Variants in CDC73 observed in about 807,000 individuals in gnomAD.
CDC73 encodes the protein cell division cycle 73, also known as parafibromin.
CDC73 carries 21 observed loss-of-function variants against 83.7 expected under a neutral mutation model. The ratio of observed to expected loss-of-function variants is 0.25; its 90% CI spans 0.18 to 0.36. CDC73 has a LOEUF of 0.36. Among genes scored for constraint, CDC73 ranks in the 10% least tolerant of loss-of-function variants. The pLI is 1.00. For synonymous variants in CDC73, 224 were observed against 212.9 expected (o/e 1.05, Z -0.45); for missense variants, 342 against 653.3 (o/e 0.52, Z 5.19).
intron 10 of CDC73, among the ~76,000 whole-genome samples, chr1:193,162,310 T>TGA (rs1558293668): frequency 1.4e-3 from 168 of 121,508 alleles, no homozygotes; most frequent in South Asian, 4.8e-3. Context: ...ATACTATATA[T>TGA]TATATATCAT....
chr1:193,185,501 G>T (rs1293021261), intron 10 of CDC73, among the ~76,000 whole-genome samples: 1 of 151,868 alleles, frequency 6.6e-6, no homozygotes, highest in East Asian at 1.9e-4. Context: ...TTAGGGAGAT[G>T]TTGGGGAAGA....
At chr1:193,152,315 T>C (rs1479348317) in intron 9 of CDC73, 65 bp from the exon 10 acceptor site, 2 of 995,942 alleles carry the variant, frequency 2.0e-6, no homozygotes, top group African/African-American at 3.2e-5. Flanking sequence ...TTACTTTAGA[T>C]TTGTTATAGG....
At chr1:193,140,100 G>A (rs765708389) in intron 6 of CDC73, among the ~76,000 whole-genome samples, 6 of 152,100 alleles carry the variant, frequency 3.9e-5, no homozygotes, top group South Asian at 2.1e-4. Context: ...CAGAGAATCC[G>A]CTCAGCTCTA....
At chr1:193,178,666 T>A (rs1227964875) in intron 10 of CDC73, among the ~76,000 whole-genome samples, 4 of 152,206 alleles carry the variant, frequency 2.6e-5, no homozygotes, top group Non-Finnish European at 5.9e-5. Flanking sequence ...TGTAGTCATA[T>A]AGAATAAATT....
In CDC73 at chr1:193,122,059, A is replaced by G. The variant is rs1430420815; in HGVS notation, c.-142A>G. 1.7e-5 allele frequency: 13 copies of G among 755,044 alleles called. No homozygotes were observed. The highest frequency in any genetic ancestry group is 3.3e-4 in the Middle Eastern group (1 of 3,022). The allele number at this position is 755,044 out of a possible 1,614,324, so 46.8% of individuals were successfully genotyped here. On this transcript the variant is annotated 5_prime_UTR_variant, in exon 1 of 17. Transcript: ENST00000367435. The stretch of plus-strand genomic sequence containing the variant: ...ACTGCCCCTGCTGCTGTCGTAGGCG[A>G]GGACGGCTGTTAGTGCTGCTGCTGT...
At position 193,181,472 on chromosome 1, in the gene CDC73, G is replaced by A. The variant is rs764176607; in HGVS notation, c.973-22323G>A. 3.1e-6 allele frequency: 5 copies of A among 1,614,030 alleles called. No individual in the cohort carries two copies. In the Admixed American group the frequency reaches 8.3e-5, roughly 27 times the overall value. On this transcript the variant is annotated intron_variant, in intron 10 of 16. Transcript: ENST00000367435. ...ATAGCAAAAAGAAACACTAGAGAAA[G>A]TACTCCAATAAGATGAGTGCGGAAC...
At position 193,188,037 on chromosome 1, in the gene CDC73, T is replaced by G. The variant is rs1016864489; in HGVS notation, c.973-15758T>G. Reference sequence around the variant, plus strand: ...GCTTAAGAACTTACTTAAAATAACTTATTTTCCAGAAGTACAGATGTGTTT... The same window carrying G: ...GCTTAAGAACTTACTTAAAATAACTGATTTTCCAGAAGTACAGATGTGTTT... On this transcript the variant is annotated intron_variant, in intron 10 of 16. Coordinates refer to ENST00000367435, the MANE Select transcript of CDC73 (RefSeq NM_024529.5). Among the ~76,000 whole-genome samples the G allele has an allele frequency of 5.9e-5, 9 of 152,344 alleles. No homozygotes were observed. The East Asian group carries it at 1.7e-3, about 29-fold the overall frequency.
At chr1:193,177,390 C>T (rs1280797845) in intron 10 of CDC73, among the ~76,000 whole-genome samples, 3 of 141,008 alleles carry the variant, frequency 2.1e-5, no homozygotes, top group Non-Finnish European at 4.6e-5. Context: ...ATCAGCCGGG[C>T]GCGGTGGCAG....
intron 10 of CDC73, among the ~76,000 whole-genome samples, chr1:193,195,076 A>C (rs1236771382): frequency 6.6e-6 from 1 of 152,186 alleles, no homozygotes; most frequent in African/African-American, 2.4e-5. Flanking sequence ...GAGTCTAAGA[A>C]GTCTCAGGAT....
intron 13 of CDC73, among the ~76,000 whole-genome samples, chr1:193,232,281 G>A (rs898093922): frequency 9.9e-5 from 15 of 151,462 alleles, no homozygotes; most frequent in Non-Finnish European, 1.5e-4. Flanking sequence ...AGGCTAAGTC[G>A]TAAAGAAGCC....
intron 10 of CDC73, among the ~76,000 whole-genome samples, chr1:193,167,467 T>G (rs1165893422): frequency 6.6e-6 from 1 of 152,074 alleles, no homozygotes; most frequent in Non-Finnish European, 1.5e-5. Flanking sequence ...GATTGACAAT[T>G]GATGTTGCTA....
chr1:193,160,778 A>G (rs1676295381), intron 10 of CDC73, among the ~76,000 whole-genome samples: 1 of 151,938 alleles, frequency 6.6e-6, no homozygotes, highest in Admixed American at 6.6e-5. Context: ...ACTTTATGAC[A>G]GATGTTTTAA....
chr1:193,190,173 G>A (rs1002394667), intron 10 of CDC73, among the ~76,000 whole-genome samples: 1 of 152,152 alleles, frequency 6.6e-6, no homozygotes, highest in Non-Finnish European at 1.5e-5. Flanking sequence ...TAATGTTTTA[G>A]ATCAGGTATA....
chr1:193,178,221 T>TCC (rs977163641), intron 10 of CDC73, among the ~76,000 whole-genome samples: 10 of 152,138 alleles, frequency 6.6e-5, no homozygotes, highest in African/African-American at 1.9e-4. Context: ...TACTGTTTGA[T>TCC]CCAGTCGCCT....
chr1:193,183,377 T>G (rs1269314751), intron 10 of CDC73, among the ~76,000 whole-genome samples: 1 of 149,920 alleles, frequency 6.7e-6, no homozygotes, highest in Non-Finnish European at 1.5e-5. Context: ...TTGAAAGATG[T>G]GAACAATTTT....
intron 15 of CDC73, among the ~76,000 whole-genome samples, chr1:193,246,412 TG>T (rs1677954755): frequency 6.6e-6 from 1 of 152,126 alleles, no homozygotes; most frequent in African/African-American, 2.4e-5. Flanking sequence ...GCAGATGCCA[TG>T]ATCTTATATT....
intron 11 of CDC73, among the ~76,000 whole-genome samples, chr1:193,206,069 G>T (rs552059696): frequency 6.6e-6 from 1 of 152,284 alleles, no homozygotes; most frequent in East Asian, 1.9e-4. Flanking sequence ...AAGTTAGTAT[G>T]TAAGGAAAGG....
chr1:193,125,643 C>T (rs1228262283), intron 2 of CDC73, among the ~76,000 whole-genome samples: 1 of 148,644 alleles, frequency 6.7e-6, no homozygotes, highest in African/African-American at 2.5e-5. Flanking sequence ...GTGGTGTGAT[C>T]TCGGCTTACT....
At position 193,251,041 on chromosome 1, in the gene CDC73, C is replaced by G. The variant is rs961992550; in HGVS notation, c.*329C>G. ...GTATATTTAGAGATTATAAGGCTCT[C>G]TGAGCCATCTTCTGATTTTTCATTG... On this transcript the variant is annotated 3_prime_UTR_variant, in exon 17 of 17. Transcript: ENST00000367435. The G allele has an allele frequency of 1.3e-5, 4 of 306,436 alleles. No homozygotes were observed. Among genetic ancestry groups the G allele is most frequent in the Admixed American group, 9.2e-5 (2 of 21,798 alleles). 19.0% of individuals were successfully genotyped at this position (306,436 alleles called of 1,614,324 possible).
Sources: gnomAD v4.1 joint callset for allele counts (sites outside exome capture counted in the v4.1 genomes callset) on GRCh38, gnomAD v4.1.1 for gene constraint, MANE v1.5 for transcripts, NCBI Gene and HGNC (gene_info 2026-07-23, HGNC 2026-07-21) for gene names.